COPG2: variants seen among roughly 807,000 people sequenced by gnomAD.
The protein encoded by COPG2 is coatomer subunit gamma-2.
In COPG2, 37 loss-of-function variants were observed where a neutral mutation model predicts 46.3. That is an observed-to-expected ratio of 0.80 (90% CI 0.61 to 1.05). COPG2 has a LOEUF of 1.05. Ranked by LOEUF, COPG2 falls within the 50% of genes least tolerant of loss-of-function variation. The pLI, the probability that COPG2 is intolerant of heterozygous loss-of-function variation, is 0.00. For missense variants in COPG2, 427 were observed against 387.8 expected, an observed-to-expected ratio of 1.10 and a Z score of -0.85; for synonymous variants, 159 against 129.7, an observed-to-expected ratio of 1.23 and a Z score of -1.53.
At chr7:130,550,052 T>C (rs903994623) in intron 17 of COPG2, among the ~76,000 whole-genome samples, 1 of 152,218 alleles carries the variant, frequency 6.6e-6, no homozygotes, top group East Asian at 1.9e-4. Context: ...ACTGCTTTTA[T>C]GTAAAAACCA....
intron 4 of COPG2, among the ~76,000 whole-genome samples, chr7:130,658,316 CAT>C (rs1225061268): frequency 1.3e-5 from 2 of 152,150 alleles, no homozygotes; most frequent in Non-Finnish European, 2.9e-5. Flanking sequence ...TGATATCATT[CAT>C]ATGACTTCCT....
intron 20 of COPG2, among the ~76,000 whole-genome samples, chr7:130,531,891 G>T (rs932040314): frequency 6.6e-6 from 1 of 152,126 alleles, no homozygotes; most frequent in Non-Finnish European, 1.5e-5. Flanking sequence ...CCCCAGGCAG[G>T]CCTATCCAAT....
Position 130,550,532 on chromosome 7 carries a change from T to C in COPG2, c.1766A>G (p.Gln589Arg). The change falls in exon 17 of 24, where the codon CAG becomes CGG. Residue 589 changes from glutamine to arginine, a missense_variant. Transcript: ENST00000425248. Reference protein sequence around the residue: ...IPLAMAPVFEQKAEITLVATK... With the variant: ...IPLAMAPVFERKAEITLVATK... ...AAATGAATAGAGTGAACCTGCTTTC[T>C]GTTCAAAGACAGGAGCCATAGCAAG... The C allele has an allele frequency of 2.5e-6, 1 of 397,796 alleles. No homozygotes were observed. The highest frequency in any genetic ancestry group is 4.4e-6 in the Non-Finnish European group (1 of 225,642). 24.6% of individuals were successfully genotyped at this position (397,796 alleles called of 1,614,324 possible).
At chr7:130,554,456 C>T in intron 14 of COPG2, 25 bp downstream of exon 14, 1 of 398,458 alleles carries the variant, frequency 2.5e-6, no homozygotes. Flanking sequence ...TCAGCATCGT[C>T]AATATCAGTG....
intron 9 of COPG2, among the ~76,000 whole-genome samples, chr7:130,564,849 G>C: frequency 6.6e-6 from 1 of 152,092 alleles, no homozygotes; most frequent in Middle Eastern, 3.2e-3. Flanking sequence ...GGTGCTCCTA[G>C]AAAAGCCCTA....
intron 15 of COPG2, 54 bp from the exon 16 acceptor site, chr7:130,551,398 G>A (rs1793532977): frequency 2.5e-6 from 1 of 397,568 alleles, no homozygotes; most frequent in Non-Finnish European, 4.4e-6. Context: ...ACTTCCAATA[G>A]CTCTACTACC....
chr7:130,584,796 A>G (rs1025113070), intron 9 of COPG2, among the ~76,000 whole-genome samples: 1 of 152,068 alleles, frequency 6.6e-6, no homozygotes. Context: ...AACACTGCTG[A>G]AAGAAATCAT....
chr7:130,640,158 CTTTTTTTTT>C (rs11431866), intron 5 of COPG2, among the ~76,000 whole-genome samples: 1 of 96,456 alleles, frequency 1.0e-5, no homozygotes, highest in Non-Finnish European at 2.0e-5. Flanking sequence ...CACCACCAAC[CTTTTTTTTT>C]TTTTTTTTTT....
intron 20 of COPG2, among the ~76,000 whole-genome samples, chr7:130,542,533 G>A (rs1341461651): frequency 1.3e-5 from 2 of 152,160 alleles, no homozygotes; most frequent in South Asian, 2.1e-4. Flanking sequence ...GGCAGGAAGG[G>A]GTCAGAGTTC....
chr7:130,668,306 C>CGCGCACGCCCTCG (rs1435137928), intron 1 of COPG2, among the ~76,000 whole-genome samples: 1 of 151,904 alleles, frequency 6.6e-6, no homozygotes, highest in Non-Finnish European at 1.5e-5. Flanking sequence ...CGCGGAGACG[C>CGCGCACGCCCTCG]GCGCACGCCC....
chr7:130,512,589 G>A (rs1424004669), intron 20 of COPG2, among the ~76,000 whole-genome samples: 1 of 151,884 alleles, frequency 6.6e-6, no homozygotes, highest in Non-Finnish European at 1.5e-5. Context: ...AGACCAGCCT[G>A]GCCAAGATGG....
At chr7:130,511,510 C>T (rs782676601) in intron 20 of COPG2, 1 of 520,034 alleles carries the variant, frequency 1.9e-6, no homozygotes, top group South Asian at 1.4e-5. Flanking sequence ...GAGTTTTTCT[C>T]TAGGACAAAT....
intron 2 of COPG2, among the ~76,000 whole-genome samples, chr7:130,667,226 A>T (rs3804619): frequency 0.19 from 29,412 of 152,154 alleles, 3,032 homozygotes; most frequent in Middle Eastern, 0.25. Context: ...AACTGATTTC[A>T]ATAACCTTGC....
intron 2 of COPG2, 92 bp downstream of exon 2, chr7:130,667,390 G>C (rs1796108163): frequency 4.1e-6 from 4 of 968,248 alleles, no homozygotes; most frequent in African/African-American, 3.3e-5. Context: ...TTCTTGTTTT[G>C]CATGTCGTGA....
At chr7:130,616,790 A>C (rs1488815730) in intron 6 of COPG2, among the ~76,000 whole-genome samples, 200 bp downstream of exon 6, 4 of 152,186 alleles carry the variant, frequency 2.6e-5, no homozygotes, top group African/African-American at 9.7e-5. Context: ...AAATAAAGAG[A>C]GAAAATGGAC....
intron 20 of COPG2, among the ~76,000 whole-genome samples, chr7:130,543,878 G>C (rs964709697): frequency 8.5e-5 from 13 of 152,142 alleles, no homozygotes; most frequent in African/African-American, 2.7e-4. Flanking sequence ...TAGAAAGATG[G>C]CTTGAAAGGA....
Position 130,618,045 on chromosome 7 carries a change from G to C in COPG2, c.324-980C>G, listed in dbSNP as rs1563060965. Among the ~76,000 whole-genome samples the C allele has an allele frequency of 2.2e-5, 3 of 138,710 alleles. No homozygotes were observed. In the East Asian group the frequency reaches 6.5e-4, roughly 30 times the overall value. 91.0% of individuals were successfully genotyped at this position (138,710 alleles called of 152,430 possible). On this transcript the variant is annotated intron_variant, in intron 5 of 23. Transcript: ENST00000425248. ...GAACCCAGGAGGCAGAGGTTGCAGTGAGCTGAGATGGCACCACTGTACTCC... is the reference window on the plus strand; with the variant it reads ...GAACCCAGGAGGCAGAGGTTGCAGTCAGCTGAGATGGCACCACTGTACTCC...
chr7:130,583,335 T>C (rs1248169076), intron 9 of COPG2, among the ~76,000 whole-genome samples: 13 of 50,500 alleles, frequency 2.6e-4, no homozygotes, highest in African/African-American at 1.0e-3. Context: ...TATCACACTC[T>C]GGGGACTGTG....
intron 20 of COPG2, chr7:130,509,834 G>A (rs191965293): frequency 1.2e-5 from 6 of 502,524 alleles, no homozygotes; most frequent in African/African-American, 3.9e-5. Context: ...GTGAGGGTGC[G>A]GGATTAACAA....
Sources: gnomAD v4.1 joint callset for allele counts (sites outside exome capture counted in the v4.1 genomes callset) on GRCh38, gnomAD v4.1.1 for gene constraint, MANE v1.5 for transcripts, NCBI Gene and HGNC (gene_info 2026-07-23, HGNC 2026-07-21) for gene names.